The following ADGRB3 variants were observed in gnomAD, a reference collection of about 807,000 sequenced individuals.
The protein encoded by ADGRB3 is adhesion G protein-coupled receptor B3, also known as brain-specific angiogenesis inhibitor 3.
Under a neutral mutation model 193.4 loss-of-function variants are expected in ADGRB3, and 37 were observed. That is an observed-to-expected ratio of 0.19 (90% CI 0.15 to 0.25). ADGRB3 has a LOEUF of 0.25. Ranked by LOEUF, ADGRB3 falls within the 10% of genes least tolerant of loss-of-function variation. The pLI, the probability that ADGRB3 is intolerant of heterozygous loss-of-function variation, is 1.00. For synonymous variants in ADGRB3, 690 were observed against 644.2 expected (o/e 1.07, Z -1.08); for missense variants, 1,637 against 1,852.9 (o/e 0.88, Z 2.14).
At chr6:69,101,290 C>T (rs554310152) in intron 17 of ADGRB3, among the ~76,000 whole-genome samples, 9 of 152,100 alleles carry the variant, frequency 5.9e-5, no homozygotes, top group South Asian at 2.1e-4. Flanking sequence ...GCTGGTCTTC[C>T]GAGCTCTATA....
chr6:68,787,864 C>T (rs956862530), intron 3 of ADGRB3, among the ~76,000 whole-genome samples: 3 of 152,132 alleles, frequency 2.0e-5, no homozygotes, highest in African/African-American at 7.2e-5. Context: ...GATTCAACTT[C>T]TTCCTGGTTT....
chr6:69,247,911 ATTG>A (rs1298058406), intron 20 of ADGRB3, among the ~76,000 whole-genome samples: 1 of 151,994 alleles, frequency 6.6e-6, no homozygotes, highest in Admixed American at 6.6e-5. Flanking sequence ...TTATTGTTGT[ATTG>A]TTGCCATTTT....
At chr6:69,282,045 T>TC (rs913599763) in intron 20 of ADGRB3, among the ~76,000 whole-genome samples, 4 of 152,128 alleles carry the variant, frequency 2.6e-5, no homozygotes, top group African/African-American at 9.7e-5. Flanking sequence ...CATTGTGCTC[T>TC]CACCAAAGGG....
chr6:69,087,545 A>G (rs891365444), intron 17 of ADGRB3, among the ~76,000 whole-genome samples: 1 of 152,190 alleles, frequency 6.6e-6, no homozygotes, highest in Non-Finnish European at 1.5e-5. Context: ...AGAAGGCACT[A>G]TCTATGAGGA....
chr6:69,090,516 C>T (rs112197776), intron 17 of ADGRB3, among the ~76,000 whole-genome samples: 2 of 152,270 alleles, frequency 1.3e-5, no homozygotes, highest in African/African-American at 4.8e-5. Context: ...TTCACACACT[C>T]ATTTATTCAT....
intron 11 of ADGRB3, among the ~76,000 whole-genome samples, chr6:69,011,492 A>G (rs962727990): frequency 1.3e-5 from 2 of 151,818 alleles, no homozygotes; most frequent in African/African-American, 4.8e-5. Context: ...GAGGGAGGGA[A>G]GGAGAGGGGA....
chr6:69,265,424 A>G (rs1429645329), intron 20 of ADGRB3, among the ~76,000 whole-genome samples: 1 of 151,818 alleles, frequency 6.6e-6, no homozygotes, highest in Non-Finnish European at 1.5e-5. Flanking sequence ...CTGATCCCAC[A>G]TTTAAACAAC....
chr6:69,167,652 T>C (rs1344472848), intron 17 of ADGRB3, among the ~76,000 whole-genome samples: 6 of 152,118 alleles, frequency 3.9e-5, no homozygotes, highest in Admixed American at 3.9e-4. Context: ...TTTCCCCAGA[T>C]ATATTTGCGG....
chr6:68,762,303 C>A (rs893055805), intron 3 of ADGRB3, among the ~76,000 whole-genome samples: 7 of 151,962 alleles, frequency 4.6e-5, no homozygotes, highest in Non-Finnish European at 8.8e-5. Context: ...GCTTTGTAAT[C>A]TGGAGTTAAA....
At chr6:69,116,102 A>G (rs899533509) in intron 17 of ADGRB3, among the ~76,000 whole-genome samples, 16 of 152,196 alleles carry the variant, frequency 1.1e-4, no homozygotes, top group Admixed American at 2.6e-4. Context: ...TAGGATTTCT[A>G]TGTTACAGTT....
At chr6:68,946,081 C>G (rs1187292463) in intron 6 of ADGRB3, among the ~76,000 whole-genome samples, 1 of 152,086 alleles carries the variant, frequency 6.6e-6, no homozygotes, top group Non-Finnish European at 1.5e-5. Flanking sequence ...TGTGCCATTT[C>G]TGACTTCCGT....
intron 17 of ADGRB3, among the ~76,000 whole-genome samples, chr6:69,101,026 G>T (rs923769382): frequency 2.0e-5 from 3 of 147,294 alleles, no homozygotes; most frequent in Admixed American, 6.8e-5. Flanking sequence ...CCATTAATGT[G>T]CAGTTATGAT....
chr6:68,936,557 T>C lies in ADGRB3; in HGVS notation c.907T>C (p.Cys303Arg), dbSNP rs770620499. Residue 303 changes from cysteine (C) to arginine (R), a missense_variant, in exon 5 of 32, where the codon TGT (cysteine) becomes CGT (arginine). Cys to Arg is a radical substitution (Grantham distance 180). Transcript: ENST00000370598. ...GVEEWSQWST[C>R]SVTCGQGSQV... is the part of the protein sequence containing the mutation. ...GGAAGAGTGGTCCCAGTGGAGCACATGTTCGGTTACTTGTGGTCAAGGGTC... is the reference window on the plus strand; with the variant it reads ...GGAAGAGTGGTCCCAGTGGAGCACACGTTCGGTTACTTGTGGTCAAGGGTC... 1 of 1,614,102 alleles carries C rather than the reference T, an allele frequency of 6.2e-7. No individual in the cohort carries two copies. Among genetic ancestry groups the C allele is most frequent in the Admixed American group, 1.7e-5 (1 of 59,998 alleles).
At position 69,239,131 on chromosome 6, in the gene ADGRB3, C is replaced by T. The variant is rs145280281; in HGVS notation, c.2719C>T (p.Arg907Cys). 1.2e-3 allele frequency: 1,918 copies of T among 1,585,968 alleles called. 4 individuals carry two copies. Among genetic ancestry groups the T allele is most frequent in the Non-Finnish European group, 1.3e-3 (1,468 of 1,155,998 alleles). Residue 907 changes from arginine to cysteine, a missense_variant, in exon 20 of 32, where the codon CGC (arginine) becomes TGC (cysteine). Physicochemically the swap from Arg to Cys is radical, Grantham distance 180. This residue lies in a region of ADGRB3 where 641 missense variants were observed against 673.9 expected (regional missense o/e 0.95). Coordinates refer to ENST00000370598, the MANE Select transcript of ADGRB3 (RefSeq NM_001704.3). The stretch of plus-strand genomic sequence containing the variant: ...TTTTCTCTCTCTGGCTAGGTACATA[C>T]GCTCTGAGAGATCCATAATACTAAT... ...VVYAALWRYIRSERSIILINF... is the reference protein window; with the variant it reads ...VVYAALWRYICSERSIILINF...
At chr6:69,010,809 C>CA (rs1483484951) in intron 11 of ADGRB3, among the ~76,000 whole-genome samples, 1 of 148,636 alleles carries the variant, frequency 6.7e-6, no homozygotes, top group Non-Finnish European at 1.5e-5. Flanking sequence ...CAAAAAAAAG[C>CA]AAAAAAATGA....
chr6:69,319,926 G>A (rs914457350), intron 20 of ADGRB3, among the ~76,000 whole-genome samples: 1 of 151,158 alleles, frequency 6.6e-6, no homozygotes, highest in African/African-American at 2.4e-5. Flanking sequence ...TGTGATTTTT[G>A]ATGTTTGGAA....
In ADGRB3 at chr6:68,884,915, A is replaced by G. The variant is rs193261537; in HGVS notation, c.758-45644A>G. ...CTATACCTCCTAGAAGTACTCATAC[A>G]TCAATTTGAAGATCACTGATATAAA... On this transcript the variant is annotated intron_variant, in intron 3 of 31. Transcript: ENST00000370598. 1.2e-3 allele frequency among the ~76,000 whole-genome samples: 176 copies of G among 152,346 alleles called. 1 individual carries two copies. The highest frequency in any genetic ancestry group is 4.2e-3 in the African/African-American group (173 of 41,588).
rs1266114018 is a variant in ADGRB3 at position 68,958,881 on chromosome 6, G to A, written c.1525+2072G>A. Among the ~76,000 whole-genome samples, 7 of 148,178 alleles carry A rather than the reference G, an allele frequency of 4.7e-5. No homozygotes were observed. In the South Asian group the frequency reaches 1.3e-3, roughly 27 times the overall value. ...GGGCAAAGAAAAATAGTGTGTGTGT[G>A]TGTGTGTGTGTGTGTGTGTGTGTGT... On this transcript the variant is annotated intron_variant, in intron 8 of 31. Coordinates refer to ENST00000370598, the MANE Select transcript of ADGRB3 (RefSeq NM_001704.3).
At chr6:68,830,085 CA>C (rs1767924727) in intron 3 of ADGRB3, among the ~76,000 whole-genome samples, 1 of 151,936 alleles carries the variant, frequency 6.6e-6, no homozygotes, top group South Asian at 2.1e-4. Flanking sequence ...TTTTCACTTT[CA>C]AAAAAATAGT....
Sources: allele counts gnomAD v4.1 joint callset (sites outside exome capture counted in the v4.1 genomes callset), GRCh38; gene constraint gnomAD v4.1.1; regional missense constraint gnomAD v4.1.1; transcripts MANE v1.5; gene names NCBI Gene and HGNC (gene_info 2026-07-23, HGNC 2026-07-21).